TNRC6A: variants seen among roughly 807,000 people sequenced by gnomAD.
TNRC6A encodes trinucleotide repeat containing adaptor 6A.
A neutral mutation model predicts 221.2 loss-of-function variants in TNRC6A; 44 were observed. The observed-to-expected ratio is 0.20, with a 90% CI of 0.16 to 0.26. The LOEUF (loss-of-function observed/expected upper bound fraction) is 0.26. Among genes scored for constraint, TNRC6A ranks in the 10% least tolerant of loss-of-function variants. The pLI is 1.00. For synonymous variants in TNRC6A, 847 were observed against 838.5 expected (o/e 1.01, Z -0.18); for missense variants, 2,199 against 2,404.4 (o/e 0.91, Z 1.79).
intron 5 of TNRC6A, among the ~76,000 whole-genome samples, chr16:24,778,866 A>G (rs2057781257): frequency 1.3e-5 from 2 of 152,196 alleles, no homozygotes; most frequent in South Asian, 2.1e-4. Context: ...GGTCATCAGC[A>G]TAATGAAAAA....
intron 2 of TNRC6A, among the ~76,000 whole-genome samples, chr16:24,724,497 G>A (rs575783560): frequency 6.6e-6 from 1 of 152,274 alleles, no homozygotes; most frequent in East Asian, 1.9e-4. Flanking sequence ...TGTAATCCCA[G>A]CACTTTGGGA....
intron 2 of TNRC6A, among the ~76,000 whole-genome samples, chr16:24,744,221 T>C (rs2056953500): frequency 6.6e-6 from 1 of 152,230 alleles, no homozygotes; most frequent in Non-Finnish European, 1.5e-5. Context: ...AGGAGATGCC[T>C]GATATCCTTT....
intron 2 of TNRC6A, among the ~76,000 whole-genome samples, chr16:24,658,824 G>A (rs1196186126): frequency 1.4e-5 from 2 of 139,762 alleles, no homozygotes; most frequent in Non-Finnish European, 1.6e-5. Context: ...CTTTTTTTTT[G>A]TTTTGAGTCA....
rs185625000 is a variant in TNRC6A at position 24,643,566 on chromosome 16, C to T, written n.402+2557C>T. Among the ~76,000 whole-genome samples, 18 of 152,230 alleles carry T rather than the reference C, an allele frequency of 1.2e-4. No individual in the cohort carries two copies. In the East Asian group the frequency reaches 3.3e-3, roughly 28 times the overall value. ...TTCTTCCATCTTCCTGGCTTCCAGC[C>T]GTACTGCTTATTCTTCTGTTCGGAG... On this transcript the variant is annotated intron_variant and non_coding_transcript_variant, in intron 2 of 2. Coordinates refer to the TNRC6A transcript ENST00000566108.
chr16:24,786,499 A>T (rs1182505838), intron 5 of TNRC6A, among the ~76,000 whole-genome samples: 1 of 149,600 alleles, frequency 6.7e-6, no homozygotes, highest in Non-Finnish European at 1.5e-5. Flanking sequence ...ATTTTTTTGT[A>T]GAGATGGGCT....
At chr16:24,730,148 T>A in intron 1 of TNRC6A, 105 bp from the exon 2 acceptor site, 482 of 387,970 alleles carry the variant, frequency 1.2e-3, no homozygotes, top group East Asian at 5.8e-3. Context: ...CCCTCCCCCA[T>A]CCGGCCCCGG....
intron 5 of TNRC6A, among the ~76,000 whole-genome samples, chr16:24,777,918 T>C (rs1403934869): frequency 6.6e-6 from 1 of 152,198 alleles, no homozygotes; most frequent in East Asian, 1.9e-4. Context: ...AAAATAAATC[T>C]GGTATGTGAT....
chr16:24,676,770 T>C (rs756781741), intron 2 of TNRC6A, among the ~76,000 whole-genome samples: 2 of 152,200 alleles, frequency 1.3e-5, no homozygotes, highest in Non-Finnish European at 2.9e-5. Context: ...TCTTGATTTC[T>C]TGACTGCATT....
At chr16:24,628,796 G>A (rs7197196) in intron 1 of TNRC6A, among the ~76,000 whole-genome samples, 2 of 151,594 alleles carry the variant, frequency 1.3e-5, no homozygotes, top group African/African-American at 2.4e-5. Context: ...TTTCAATGTC[G>A]GTGCCCCTAA....
intron 2 of TNRC6A, among the ~76,000 whole-genome samples, chr16:24,743,332 T>C (rs1288561278): frequency 6.6e-6 from 1 of 152,182 alleles, no homozygotes; most frequent in Non-Finnish European, 1.5e-5. Flanking sequence ...TTTTTTATTA[T>C]TATTTTTGAG....
chr16:24,717,666 A>G (rs1289920277), intron 2 of TNRC6A, among the ~76,000 whole-genome samples: 1 of 152,134 alleles, frequency 6.6e-6, no homozygotes, highest in East Asian at 1.9e-4. Flanking sequence ...TCTTGCTGAC[A>G]GTCATGATAT....
At chr16:24,661,023 G>C (rs1223891514) in intron 2 of TNRC6A, among the ~76,000 whole-genome samples, 6 of 151,940 alleles carry the variant, frequency 3.9e-5, no homozygotes, top group Non-Finnish European at 5.9e-5. Flanking sequence ...TTACAGGCGT[G>C]AGCCACCACG....
intron 1 of TNRC6A, among the ~76,000 whole-genome samples, chr16:24,628,295 C>T: frequency 6.6e-6 from 1 of 151,928 alleles, no homozygotes; most frequent in East Asian, 2.0e-4. Flanking sequence ...TGGTGGGCGC[C>T]TGTAATCCCA....
At chr16:24,738,535 A>G (rs146060836) in intron 2 of TNRC6A, among the ~76,000 whole-genome samples, 27 of 152,342 alleles carry the variant, frequency 1.8e-4, no homozygotes, top group African/African-American at 5.8e-4. Flanking sequence ...TTTAAGTGGA[A>G]TCATACTATA....
chr16:24,643,302 G>A (rs1251824822), intron 2 of TNRC6A, among the ~76,000 whole-genome samples: 1 of 151,098 alleles, frequency 6.6e-6, no homozygotes, highest in Non-Finnish European at 1.5e-5. Flanking sequence ...GAATCCCCAG[G>A]AGTGCCGTGA....
At chr16:24,816,725 A>G (rs1252894096) in intron 19 of TNRC6A, 91 bp from the exon 20 acceptor site, 3 of 1,458,828 alleles carry the variant, frequency 2.1e-6, no homozygotes, top group Non-Finnish European at 1.8e-6. Context: ...TGAGAGTTGC[A>G]TAGGATTCAG....
intron 2 of TNRC6A, among the ~76,000 whole-genome samples, chr16:24,651,794 G>C (rs1902681492): frequency 6.6e-6 from 1 of 151,322 alleles, no homozygotes; most frequent in East Asian, 1.9e-4. Context: ...TACTAGGTGG[G>C]GAGGAAAAAA....
chr16:24,755,485 A>T (rs1009162211), intron 3 of TNRC6A, among the ~76,000 whole-genome samples: 1 of 152,238 alleles, frequency 6.6e-6, no homozygotes, highest in Non-Finnish European at 1.5e-5. Flanking sequence ...GTGCTTTTAT[A>T]TGAGTTAAAT....
intron 2 of TNRC6A, among the ~76,000 whole-genome samples, chr16:24,653,870 A>T (rs1024166240): frequency 1.3e-5 from 2 of 152,186 alleles, no homozygotes; most frequent in Admixed American, 6.6e-5. Context: ...TGAAGAGATA[A>T]TACTTTGAGC....
Sources: allele counts gnomAD v4.1 joint callset (sites outside exome capture counted in the v4.1 genomes callset), GRCh38; gene constraint gnomAD v4.1.1; transcripts MANE v1.5; gene names NCBI Gene and HGNC (gene_info 2026-07-23, HGNC 2026-07-21).